Variants in C2orf66 observed in about 807,000 individuals in gnomAD.
C2orf66 encodes uncharacterized protein C2orf66.
A neutral mutation model predicts 7.0 loss-of-function variants in C2orf66; 6 were observed. The ratio of observed to expected loss-of-function variants is 0.86; its 90% CI spans 0.47 to 1.69. C2orf66 has a LOEUF of 1.69. Among genes scored for constraint, C2orf66 ranks in the 40% most tolerant of loss-of-function variants. C2orf66 has a pLI of 0.01. For synonymous variants in C2orf66, 38 were observed against 43.8 expected, an observed-to-expected ratio of 0.87 and a Z score of 0.52; for missense variants, 107 against 112.0, an observed-to-expected ratio of 0.96 and a Z score of 0.20.
the C2orf66 span, among the ~76,000 whole-genome samples, chr2:196,829,572 G>A: frequency 6.6e-6 from 1 of 151,498 alleles, no homozygotes; most frequent in Non-Finnish European, 1.5e-5. Flanking sequence ...CTGGGCGAAA[G>A]AGCCAGACTC....
Position 196,805,211 on chromosome 2 carries a change from T to C in C2orf66, c.*217A>G, listed in dbSNP as rs980349912. The stretch of plus-strand genomic sequence containing the variant: ...CTCTACATCAATATTTATGGTTTCA[T>C]AGGAAAAAAACTCCATAAATATGCA... On this transcript the variant is annotated 3_prime_UTR_variant, in exon 3 of 3. Transcript: ENST00000342506. 1 of 152,056 alleles carries C rather than the reference T, an allele frequency of 6.6e-6. No homozygotes were observed. The highest frequency in any genetic ancestry group is 2.4e-5 in the African/African-American group (1 of 41,402). 9.4% of individuals were successfully genotyped at this position (152,056 alleles called of 1,614,324 possible).
At chr2:196,829,419 T>C in the C2orf66 span, among the ~76,000 whole-genome samples, 2 of 151,956 alleles carry the variant, frequency 1.3e-5, no homozygotes, top group African/African-American at 2.4e-5. Context: ...TGAAACCCCA[T>C]CTCTACTAAA....
At chr2:196,815,966 A>G in the C2orf66 span, among the ~76,000 whole-genome samples, 987 of 152,352 alleles carry the variant, frequency 6.5e-3, 11 homozygotes, top group South Asian at 0.036. Flanking sequence ...GACTTCAAAA[A>G]TAAGGGAAAG....
At chr2:196,823,664 C>T in the C2orf66 span, among the ~76,000 whole-genome samples, 3 of 121,372 alleles carry the variant, frequency 2.5e-5, no homozygotes, top group Non-Finnish European at 5.1e-5. Flanking sequence ...AAAACCAAAC[C>T]AAAGAAAGAA....
intron 1 of C2orf66, 116 bp from the exon 2 acceptor site, chr2:196,807,738 G>A (rs2125758020): frequency 2.5e-6 from 2 of 802,230 alleles, no homozygotes; most frequent in South Asian, 1.6e-5. Flanking sequence ...CTAAGAGGCA[G>A]GAAATACAAA....
chr2:196,818,851 T>C, the C2orf66 span, among the ~76,000 whole-genome samples: 1 of 152,354 alleles, frequency 6.6e-6, no homozygotes, highest in African/African-American at 2.4e-5. Context: ...GCTGCTTTTG[T>C]AGCAGAGAGC....
upstream of C2orf66, among the ~76,000 whole-genome samples, chr2:196,811,604 G>A (rs1309358704): frequency 6.6e-6 from 1 of 152,182 alleles, no homozygotes; most frequent in Non-Finnish European, 1.5e-5. Flanking sequence ...TCAAACCGAG[G>A]CATGGAGGAG....
At chr2:196,810,093 A>C (rs1451347996), upstream of C2orf66, 1 of 152,212 alleles carries the variant, frequency 6.6e-6, no homozygotes, top group Non-Finnish European at 1.5e-5. Context: ...CAGATCTTCA[A>C]GCTTCTTCAG....
upstream of C2orf66, among the ~76,000 whole-genome samples, chr2:196,810,480 G>T (rs1177399222): frequency 1.3e-5 from 2 of 152,038 alleles, no homozygotes; most frequent in African/African-American, 4.8e-5. Flanking sequence ...TCAAAATAGA[G>T]CAAGAAGATA....
the C2orf66 span, among the ~76,000 whole-genome samples, chr2:196,825,876 A>G: frequency 1.3e-5 from 2 of 152,244 alleles, no homozygotes; most frequent in Non-Finnish European, 2.9e-5. Context: ...TCTACAGCAT[A>G]CAGGAAGACA....
At chr2:196,808,675 T>C (rs1699840776) in intron 1 of C2orf66, among the ~76,000 whole-genome samples, 1 of 152,222 alleles carries the variant, frequency 6.6e-6, no homozygotes, top group Non-Finnish European at 1.5e-5. Context: ...AACATGTTTA[T>C]TGTATTTGGC....
chr2:196,825,049 C>T, the C2orf66 span, among the ~76,000 whole-genome samples: 2 of 151,966 alleles, frequency 1.3e-5, no homozygotes, highest in Non-Finnish European at 2.9e-5. Flanking sequence ...GCCTGGCTAA[C>T]ACAGTGAAAC....
At chr2:196,831,596 C>T in the C2orf66 span, among the ~76,000 whole-genome samples, 1 of 152,142 alleles carries the variant, frequency 6.6e-6, no homozygotes, top group Admixed American at 6.5e-5. Context: ...ACATGCTCAC[C>T]TGTCCAAACC....
At chr2:196,811,643 T>C (rs143896254), upstream of C2orf66, among the ~76,000 whole-genome samples, 2 of 151,792 alleles carry the variant, frequency 1.3e-5, no homozygotes, top group African/African-American at 4.8e-5. Flanking sequence ...TTGGAATGTG[T>C]TGAGTTAGAG....
Position 196,809,217 on chromosome 2 carries a change from ATC to A in C2orf66, c.118_119del (p.Asp40SerfsTer11), listed in dbSNP as rs1699847330. 2 of 1,613,622 alleles carry A rather than the reference ATC, an allele frequency of 1.2e-6. No homozygotes were observed. Among genetic ancestry groups the A allele is most frequent in the African/African-American group, 2.7e-5 (2 of 74,894 alleles). Reference sequence around the variant, plus strand: ...CAGGCCCCAAGTGTGTTCTTACCAGATCTCTGTTTCTGGGGTTGTTGAGTGGC... The same window carrying A: ...CAGGCCCCAAGTGTGTTCTTACCAGATCTGTTTCTGGGGTTGTTGAGTGGC... ...WKPLNNPRNRDLFFRRLQAYF... is the reference protein window; with the variant it reads ...WKPLNNPRNRXLFFRRLQAYF... On this transcript the variant is annotated frameshift_variant, in exon 1 of 3. Coordinates refer to ENST00000342506, the MANE Select transcript of C2orf66 (RefSeq NM_213608.3). LOFTEE classifies it high-confidence loss of function.
the C2orf66 span, among the ~76,000 whole-genome samples, chr2:196,821,928 CTTTTTTTTTTTTTTTTTTT>C: frequency 3.1e-5 from 1 of 32,252 alleles, no homozygotes; most frequent in South Asian, 2.0e-3. Context: ...AACCAGTGAG[CTTTTTTTTTTTTTTTTTTT>C]TTTTTTTTTT....
Position 196,809,327 on chromosome 2 carries a change from C to T in C2orf66, c.10G>A (p.Ala4Thr), listed in dbSNP as rs375312735. The change falls in exon 1 of 3, where the codon GCA becomes ACA. Residue 4 changes from alanine to threonine, a missense_variant. Physicochemically the swap from Ala to Thr is moderately conservative, Grantham distance 58. Coordinates refer to ENST00000342506, the MANE Select transcript of C2orf66 (RefSeq NM_213608.3). ...GCAACACATAGTAGCAGGAGAGGTG[C>T]TCTGGTCATGGTGGAGTGAAGCTGA... is the stretch of plus-strand genomic sequence containing the variant. MTR[A>T]PLLLLCVALV... 46 of 1,613,800 alleles carry T rather than the reference C, an allele frequency of 2.9e-5. No homozygotes were observed. Among genetic ancestry groups the T allele is most frequent in the Non-Finnish European group, 3.9e-5 (46 of 1,179,928 alleles).
upstream of C2orf66, among the ~76,000 whole-genome samples, chr2:196,812,418 T>C (rs1426669330): frequency 3.3e-5 from 5 of 152,128 alleles, no homozygotes; most frequent in Non-Finnish European, 7.4e-5. Context: ...AACCAGGTAT[T>C]GATGGAACGT....
At chr2:196,821,383 C>T in the C2orf66 span, among the ~76,000 whole-genome samples, 1 of 152,174 alleles carries the variant, frequency 6.6e-6, no homozygotes, top group Non-Finnish European at 1.5e-5. Context: ...GACATCAGGC[C>T]AATCACGGAG....
Sources: gnomAD v4.1 joint callset for allele counts (sites outside exome capture counted in the v4.1 genomes callset) on GRCh38, gnomAD v4.1.1 for gene constraint, MANE v1.5 for transcripts, NCBI Gene and HGNC (gene_info 2026-07-23, HGNC 2026-07-21) for gene names.